CARMIL1: variants seen among roughly 807,000 people sequenced by gnomAD.
CARMIL1 encodes F-actin-uncapping protein LRRC16A.
A neutral mutation model predicts 177.1 loss-of-function variants in CARMIL1; 90 were observed. That is an observed-to-expected ratio of 0.51 (90% CI 0.43 to 0.61). CARMIL1 has a LOEUF of 0.61. Among genes scored for constraint, CARMIL1 ranks in the 20% least tolerant of loss-of-function variants. CARMIL1 has a pLI of 0.00. For missense variants in CARMIL1, 1,380 were observed against 1,667.0 expected (o/e 0.83, Z 3.00); for synonymous variants, 577 against 606.2 (o/e 0.95, Z 0.71).
chr6:25,350,885 A>C (rs1190630384), intron 2 of CARMIL1: 9 of 152,234 alleles, frequency 5.9e-5, no homozygotes, highest in African/African-American at 2.2e-4. Context: ...TTGTTTAAAC[A>C]CAACTTGAAG....
chr6:25,298,592 C>T (rs1196154457), intron 2 of CARMIL1, among the ~76,000 whole-genome samples: 2 of 151,532 alleles, frequency 1.3e-5, no homozygotes, highest in Admixed American at 6.6e-5. Context: ...GATATATGCT[C>T]AAGTCCCTCT....
intron 26 of CARMIL1, among the ~76,000 whole-genome samples, chr6:25,543,686 G>A (rs1809134666): frequency 6.6e-6 from 1 of 152,116 alleles, no homozygotes; most frequent in South Asian, 2.1e-4. Flanking sequence ...TATGAGGCCT[G>A]AGGGGTTTAG....
chr6:25,290,095 C>T (rs1017777933), intron 2 of CARMIL1, among the ~76,000 whole-genome samples: 3 of 152,088 alleles, frequency 2.0e-5, no homozygotes, highest in Non-Finnish European at 2.9e-5. Context: ...TTGTCATTGT[C>T]TGGACTTCTT....
intron 8 of CARMIL1, among the ~76,000 whole-genome samples, chr6:25,459,269 T>TCTTTCTTTCTTCCTTTCTTCCTTTCTTCC (rs56094712): frequency 8.5e-6 from 1 of 118,168 alleles, no homozygotes; most frequent in South Asian, 3.0e-4. Context: ...TTTCTTTCTT[T>TCTTTCTTTCTTCCTTTCTTCCTTTCTTCC]TTTTTTTTTT....
chr6:25,547,888 A>G (rs1278288457), intron 26 of CARMIL1, among the ~76,000 whole-genome samples: 1 of 152,058 alleles, frequency 6.6e-6, no homozygotes, highest in Admixed American at 6.6e-5. Context: ...GTCATCAAAT[A>G]CAGCTTGGAG....
At chr6:25,323,476 G>T (rs1347212082) in intron 2 of CARMIL1, among the ~76,000 whole-genome samples, 1 of 151,652 alleles carries the variant, frequency 6.6e-6, no homozygotes, top group Non-Finnish European at 1.5e-5. Flanking sequence ...AGGTGTGGTG[G>T]CACATGCCTA....
intron 10 of CARMIL1, 114 bp downstream of exon 10, chr6:25,471,371 A>G: frequency 1.6e-6 from 1 of 621,198 alleles, no homozygotes; most frequent in African/African-American, 1.9e-5. Flanking sequence ...ATATACAGCA[A>G]TGTTTTTCCT....
At chr6:25,351,342 A>T (rs1420112113) in intron 2 of CARMIL1, among the ~76,000 whole-genome samples, 1 of 152,226 alleles carries the variant, frequency 6.6e-6, no homozygotes, top group Non-Finnish European at 1.5e-5. Context: ...TTTTTAAAAT[A>T]TGTGGCTACA....
intron 36 of CARMIL1, among the ~76,000 whole-genome samples, chr6:25,616,663 A>G (rs1816916153): frequency 6.6e-6 from 1 of 152,242 alleles, no homozygotes; most frequent in African/African-American, 2.4e-5. Flanking sequence ...ACGTAATTCT[A>G]TTTAGACCAT....
Position 25,491,934 on chromosome 6 carries a change from T to C in CARMIL1, c.1144-14T>C. On this transcript the variant is annotated splice_polypyrimidine_tract_variant and intron_variant, in intron 14 of 36. Transcript: ENST00000329474. ...GAAATACTTGAAAAGAAGAGTGCCT[T>C]ATTTCTTTTTCAGGTCTGTGGAGCT... The C allele has an allele frequency of 6.2e-7, 1 of 1,610,848 alleles. No homozygotes were observed. Among genetic ancestry groups the C allele is most frequent in the Non-Finnish European group, 8.5e-7 (1 of 1,177,474 alleles).
chr6:25,539,923 G>T (rs775585827), intron 25 of CARMIL1, 24 bp from the exon 26 acceptor site: 2 of 1,527,700 alleles, frequency 1.3e-6, no homozygotes, highest in Non-Finnish European at 8.8e-7. Context: ...ATTCTAAAGA[G>T]GTTATTTTTT....
intron 2 of CARMIL1, among the ~76,000 whole-genome samples, chr6:25,329,563 G>A (rs1442568914): frequency 3.3e-5 from 5 of 152,204 alleles, no homozygotes; most frequent in African/African-American, 9.7e-5. Context: ...AAGCACATGA[G>A]CAAAGTCTGT....
In CARMIL1 at chr6:25,537,916, G is replaced by C. The variant is rs770477230; in HGVS notation, c.2129G>C (p.Gly710Ala). Residue 710 changes from glycine to alanine, a missense_variant, in exon 25 of 37, where the codon GGA (glycine) becomes GCA (alanine). Physicochemically the swap from Gly to Ala is moderately conservative, Grantham distance 60 (BLOSUM62 0). Coordinates refer to ENST00000329474, the MANE Select transcript of CARMIL1 (RefSeq NM_017640.6). ...DHLNSLRNCG[G>A]DAIQEDLKSA... The stretch of plus-strand genomic sequence containing the variant: ...CTCAACTCCTTACGAAATTGTGGGG[G>C]AGACGCTATCCAGGAAGATTTAAAA... The C allele has an allele frequency of 2.5e-6, 4 of 1,608,076 alleles. No homozygotes were observed. Among genetic ancestry groups the C allele is most frequent in the Non-Finnish European group, 3.4e-6 (4 of 1,177,388 alleles).
At chr6:25,491,675 T>C (rs1429693596) in intron 13 of CARMIL1, 57 bp from the exon 14 acceptor site, 2 of 1,065,498 alleles carry the variant, frequency 1.9e-6, no homozygotes, top group African/African-American at 1.6e-5. Flanking sequence ...TTAACTTGCA[T>C]TGTGTGTATG....
At chr6:25,491,683 A>C in intron 13 of CARMIL1, 49 bp from the exon 14 acceptor site, 1 of 1,165,780 alleles carries the variant, frequency 8.6e-7, no homozygotes, top group East Asian at 2.5e-5. Flanking sequence ...CATTGTGTGT[A>C]TGTGTGTGTT....
intron 2 of CARMIL1, among the ~76,000 whole-genome samples, chr6:25,311,356 G>A (rs1488929064): frequency 9.2e-5 from 14 of 152,150 alleles, no homozygotes; most frequent in Admixed American, 8.5e-4. Flanking sequence ...CCATCAAGAT[G>A]TCTTTGGAAG....
chr6:25,611,267 A>C (rs767149603), intron 36 of CARMIL1, among the ~76,000 whole-genome samples: 31 of 152,246 alleles, frequency 2.0e-4, no homozygotes, highest in Admixed American at 1.8e-3. Context: ...GTTGAGACCA[A>C]AGCTGCTAAA....
intron 26 of CARMIL1, among the ~76,000 whole-genome samples, chr6:25,542,444 A>G (rs1809014778): frequency 1.3e-5 from 2 of 152,318 alleles, no homozygotes; most frequent in South Asian, 4.1e-4. Context: ...CTCTTTAAAC[A>G]TCACCAGTGT....
chr6:25,520,438 T>G lies in CARMIL1; in HGVS notation c.1968+101T>G, dbSNP rs1582227741. 16 of 678,934 alleles carry G rather than the reference T, an allele frequency of 2.4e-5. No homozygotes were observed. The Middle Eastern group carries it at 1.2e-3, about 51-fold the overall frequency. 42.1% of individuals were successfully genotyped at this position (678,934 alleles called of 1,614,324 possible). The stretch of plus-strand genomic sequence containing the variant: ...TACTTTGTTATTTTACGAAGTTTTT[T>G]TAAATTTTATTTTATTTTTTCACAT... On this transcript the variant is annotated intron_variant, in intron 23 of 36. Transcript: ENST00000329474.
Sources: gnomAD v4.1 joint callset for allele counts (sites outside exome capture counted in the v4.1 genomes callset) on GRCh38, gnomAD v4.1.1 for gene constraint, MANE v1.5 for transcripts, NCBI Gene and HGNC (gene_info 2026-07-23, HGNC 2026-07-21) for gene names.